The following FKTN variants were observed in gnomAD, a reference collection of about 807,000 sequenced individuals.
FKTN encodes fukutin.
In FKTN, 47 loss-of-function variants were observed where a neutral mutation model predicts 58.6. The ratio of observed to expected loss-of-function variants is 0.80; its 90% confidence interval spans 0.63 to 1.02. The LOEUF (loss-of-function observed/expected upper bound fraction) is 1.02, where lower values mean the gene tolerates loss of function less well. Among genes scored for constraint, FKTN ranks in the 50% least tolerant of loss-of-function variants. The pLI is 0.00. For missense variants in FKTN, 516 were observed against 537.3 expected (o/e 0.96, Z 0.39); for synonymous variants, 178 against 191.9 (o/e 0.93, Z 0.60).
intron 3 of FKTN, among the ~76,000 whole-genome samples, chr9:105,594,749 A>G (rs1285382382): frequency 6.6e-6 from 1 of 152,176 alleles, no homozygotes; most frequent in Admixed American, 6.5e-5. Flanking sequence ...TCTCATTAAT[A>G]ATAGTAATAA....
chr9:105,579,810 T>G (rs1279220021), intron 3 of FKTN, among the ~76,000 whole-genome samples: 1 of 151,088 alleles, frequency 6.6e-6, no homozygotes, highest in Non-Finnish European at 1.5e-5. Flanking sequence ...TAAGTCTCTT[T>G]GTAGGTCACA....
At chr9:105,625,257 T>C (rs756425883) in intron 10 of FKTN, among the ~76,000 whole-genome samples, 1 of 152,246 alleles carries the variant, frequency 6.6e-6, no homozygotes, top group Non-Finnish European at 1.5e-5. Flanking sequence ...GGAAGTTTTC[T>C]CTGAAAGTGA....
intron 3 of FKTN, 109 bp from the exon 4 acceptor site, chr9:105,596,489 T>C (rs1826824600): frequency 4.1e-6 from 3 of 739,378 alleles, no homozygotes; most frequent in Admixed American, 4.0e-5. Flanking sequence ...TTGATAATGC[T>C]TTTTAATGAT....
At chr9:105,592,201 A>G (rs558593893) in intron 3 of FKTN, among the ~76,000 whole-genome samples, 1 of 152,148 alleles carries the variant, frequency 6.6e-6, no homozygotes, top group African/African-American at 2.4e-5. Context: ...TTTCTATCAC[A>G]TGGCCAGGCT....
chr9:105,596,720 G>T lies in FKTN; in HGVS notation c.165+63G>T, dbSNP rs560980253. On this transcript the variant is annotated intron_variant, in intron 4 of 10. Coordinates refer to ENST00000357998, the MANE Select transcript of FKTN (RefSeq NM_001079802.2). Reference sequence around the variant, plus strand: ...TTCATTTAGTTCATTCATTTACTCCGTAAGTATTTGTTGAATGATGGCAAT... The same window carrying T: ...TTCATTTAGTTCATTCATTTACTCCTTAAGTATTTGTTGAATGATGGCAAT... The T allele has an allele frequency of 1.1e-4, 131 of 1,165,694 alleles. No homozygotes were observed. In the African/African-American group the frequency reaches 1.7e-3, roughly 15 times the overall value. The allele number at this position is 1,165,694 out of a possible 1,614,324, so 72.2% of individuals were successfully genotyped here. A position where few individuals can be genotyped will look rare whatever the true frequency, so the allele number is the denominator to read the frequency against.
Position 105,585,195 on chromosome 9 carries a change from C to T in FKTN, c.105+10058C>T, listed in dbSNP as rs990396417. 4.2e-4 allele frequency among the ~76,000 whole-genome samples: 64 copies of T among 152,150 alleles called. 1 individual carries two copies. Among genetic ancestry groups the T allele is most frequent in the Non-Finnish European group, 5.9e-4 (40 of 67,986 alleles). ...ATCCCAGCACTTTGGGAGGCTTAGG[C>T]GAGAGGATCGCTTGAGCCCAGGAAT... On this transcript the variant is annotated intron_variant, in intron 3 of 10. Coordinates refer to ENST00000357998, the MANE Select transcript of FKTN (RefSeq NM_001079802.2).
At chr9:105,620,775 A>ATAGTAGTAGTAGTAGTAGTAG (rs58977246) in intron 10 of FKTN, among the ~76,000 whole-genome samples, 8 of 145,434 alleles carry the variant, frequency 5.5e-5, no homozygotes, top group Admixed American at 2.8e-4. Flanking sequence ...TAATACTACT[A>ATAGTAGTAGTAGTAGTAGTAG]TAGTAGTAGT....
chr9:105,570,795 G>C (rs1014308421), intron 1 of FKTN, among the ~76,000 whole-genome samples: 1 of 152,158 alleles, frequency 6.6e-6, no homozygotes, highest in Non-Finnish European at 1.5e-5. Flanking sequence ...TTCTAACCTG[G>C]AAGAATATTG....
In FKTN at chr9:105,610,564, C is replaced by A. The variant is rs113309291; in HGVS notation, c.780+2613C>A. On this transcript the variant is annotated intron_variant, in intron 7 of 10. Coordinates refer to ENST00000357998, the MANE Select transcript of FKTN (RefSeq NM_001079802.2). The stretch of plus-strand genomic sequence containing the variant: ...TCCCCTCCCTACCCCCTGTTCTTCT[C>A]ACCCTACCTGGGCACTGCTATCCTC... 5.7e-4 allele frequency among the ~76,000 whole-genome samples: 87 copies of A among 152,058 alleles called. 1 individual carries two copies. The highest frequency in any genetic ancestry group is 2.0e-3 in the African/African-American group (83 of 41,388).
At chr9:105,559,851 T>C (rs1837954195) in intron 1 of FKTN, among the ~76,000 whole-genome samples, 1 of 152,056 alleles carries the variant, frequency 6.6e-6, no homozygotes, top group African/African-American at 2.4e-5. Context: ...AGGGAGAGAT[T>C]GTAGAGAGAG....
At chr9:105,618,136 A>C in intron 9 of FKTN, 44 bp downstream of exon 9, 734 of 1,510,858 alleles carry the variant, frequency 4.9e-4, no homozygotes, top group Non-Finnish European at 6.0e-4. Flanking sequence ...AACATATCTC[A>C]CTTGTAAAGT....
At chr9:105,559,098 C>A (rs1181511302) in intron 1 of FKTN, among the ~76,000 whole-genome samples, 1 of 152,122 alleles carries the variant, frequency 6.6e-6, no homozygotes, top group Admixed American at 6.5e-5. Flanking sequence ...TTTTAACCTG[C>A]GTTTCTAAAA....
At position 105,564,298 on chromosome 9, in the gene FKTN, G is replaced by C. The variant is rs138723422; in HGVS notation, c.-181+6133G>C. On this transcript the variant is annotated intron_variant, in intron 1 of 10. Transcript: ENST00000357998. ...CAGCAATGGAACAAAGCTGGATGGAGAATGACTTCGACAAGTTGAGAGAAG... is the reference window on the plus strand; with the variant it reads ...CAGCAATGGAACAAAGCTGGATGGACAATGACTTCGACAAGTTGAGAGAAG... Among the ~76,000 whole-genome samples the C allele has an allele frequency of 9.1e-3, 1,380 of 152,340 alleles. 22 individuals carry two copies. The highest frequency in any genetic ancestry group is 0.032 in the African/African-American group (1,322 of 41,564).
chr9:105,584,162 A>G lies in FKTN; in HGVS notation c.105+9025A>G, dbSNP rs80124133. 9.0e-3 allele frequency among the ~76,000 whole-genome samples: 1,376 copies of G among 152,306 alleles called. 21 individuals carry two copies. Among genetic ancestry groups the G allele is most frequent in the African/African-American group, 0.032 (1,318 of 41,568 alleles). On this transcript the variant is annotated intron_variant, in intron 3 of 10. Coordinates refer to ENST00000357998, the MANE Select transcript of FKTN (RefSeq NM_001079802.2). ...TGGGAGGCAATAACAGTACCACCTC[A>G]TAGACTTGTGAAGCTTAAATGAATT...
At chr9:105,608,049 GA>G in intron 7 of FKTN, 98 bp downstream of exon 7, 1 of 998,332 alleles carries the variant, frequency 1.0e-6, no homozygotes, top group Non-Finnish European at 1.6e-6. Context: ...ATGGAAAATA[GA>G]AAAGTAAACA....
chr9:105,583,807 T>C (rs899404896), intron 3 of FKTN, among the ~76,000 whole-genome samples: 1 of 152,212 alleles, frequency 6.6e-6, no homozygotes, highest in Non-Finnish European at 1.5e-5. Context: ...TTTTTGTCTA[T>C]TTAATGTTTA....
In FKTN at chr9:105,639,130, C is replaced by T. The variant is rs560038912; in HGVS notation, c.*3866C>T. ...TCAAAACCTAGTCAAGAAAGTGCCA[C>T]ATTCCCACCTTCTAACAGGTAATTA... On this transcript the variant is annotated 3_prime_UTR_variant, in exon 11 of 11. Transcript: ENST00000357998. The T allele has an allele frequency of 8.4e-5, 83 of 985,212 alleles. No individual in the cohort carries two copies. In the African/African-American group the frequency reaches 1.4e-3, roughly 16 times the overall value. The allele number at this position is 985,212 out of a possible 1,614,324, so 61.0% of individuals were successfully genotyped here. A position where few individuals can be genotyped will look rare whatever the true frequency, so the allele number is the denominator to read the frequency against.
Position 105,637,238 on chromosome 9 carries a change from G to A in FKTN, c.*1974G>A. The A allele has an allele frequency of 1.0e-6, 1 of 985,376 alleles. No homozygotes were observed. The highest frequency in any genetic ancestry group is 1.2e-6 in the Non-Finnish European group (1 of 829,866). 61.0% of individuals were successfully genotyped at this position (985,376 alleles called of 1,614,324 possible). On this transcript the variant is annotated 3_prime_UTR_variant, in exon 11 of 11. Transcript: ENST00000357998. ...CACATTTCTCCCCATTTCCAATTGG[G>A]ACTCCCATTCTTTGCCAGGAGATCT... is the stretch of plus-strand genomic sequence containing the variant.
intron 5 of FKTN, chr9:105,603,925 C>G (rs1828370073): frequency 2.6e-6 from 1 of 391,360 alleles, no homozygotes; most frequent in South Asian, 2.4e-5. Context: ...GCCTCAGCCT[C>G]CCAAAGCGCT....
Sources: allele counts gnomAD v4.1 joint callset (sites outside exome capture counted in the v4.1 genomes callset), GRCh38; gene constraint gnomAD v4.1.1; transcripts MANE v1.5; gene names NCBI Gene and HGNC (gene_info 2026-07-23, HGNC 2026-07-21).